CFDP1: variants seen among roughly 807,000 people sequenced by gnomAD.
CFDP1 encodes heterochromatin-stabilizing protein CFDP1.
CFDP1 carries 31 observed loss-of-function variants against 40.1 expected under a neutral mutation model. That is an observed-to-expected ratio of 0.77 (90% CI 0.58 to 1.04). The LOEUF (loss-of-function observed/expected upper bound fraction) is 1.04, where lower values mean the gene tolerates loss of function less well. Ranked by LOEUF, CFDP1 falls within the 50% of genes least tolerant of loss-of-function variation. The probability of loss-of-function intolerance (pLI) is 0.00; values close to 1 mark genes in which losing one functional copy is unlikely to be tolerated. For synonymous variants in CFDP1, 167 were observed against 120.0 expected, an observed-to-expected ratio of 1.39 and a Z score of -2.56; for missense variants, 423 against 343.4, an observed-to-expected ratio of 1.23 and a Z score of -1.83.
intron 1 of CFDP1, among the ~76,000 whole-genome samples, chr16:75,418,485 A>AT (rs1015231045): frequency 5.0e-4 from 76 of 151,298 alleles, no homozygotes; most frequent in African/African-American, 1.7e-3. Context: ...TTTTTTTTGT[A>AT]TTTTTAGTAG....
At chr16:75,428,124 G>A (rs1342209384) in intron 1 of CFDP1, among the ~76,000 whole-genome samples, 2 of 133,096 alleles carry the variant, frequency 1.5e-5, no homozygotes, top group African/African-American at 5.2e-5. Flanking sequence ...AGTAGCAGGG[G>A]AAATTTGTTT....
At chr16:75,315,463 CTT>C (rs1223466585) in intron 5 of CFDP1, among the ~76,000 whole-genome samples, 1 of 148,048 alleles carries the variant, frequency 6.8e-6, no homozygotes, top group Non-Finnish European at 1.5e-5. Flanking sequence ...GCTTTTTCTT[CTT>C]TGTTTTTGTA....
chr16:75,356,849 T>G (rs2078647224), intron 5 of CFDP1, among the ~76,000 whole-genome samples: 1 of 152,010 alleles, frequency 6.6e-6, no homozygotes, highest in Non-Finnish European at 1.5e-5. Flanking sequence ...TACTGCAGCT[T>G]CCGCATCAGA....
chr16:75,402,221 G>A (rs1022714652), intron 4 of CFDP1, among the ~76,000 whole-genome samples: 3 of 152,114 alleles, frequency 2.0e-5, no homozygotes, highest in African/African-American at 4.8e-5. Context: ...CGCACAAGAG[G>A]GAACTCTGAC....
intron 5 of CFDP1, among the ~76,000 whole-genome samples, chr16:75,381,803 A>G (rs1216605349): frequency 1.3e-5 from 2 of 152,224 alleles, no homozygotes; most frequent in Non-Finnish European, 2.9e-5. Flanking sequence ...GGAGAAAAGC[A>G]GTACTGAAAG....
chr16:75,426,527 C>G (rs2079344414), intron 1 of CFDP1, among the ~76,000 whole-genome samples: 1 of 151,428 alleles, frequency 6.6e-6, no homozygotes, highest in Non-Finnish European at 1.5e-5. Flanking sequence ...TTTTACTCTG[C>G]AGGCCAGGCA....
intron 6 of CFDP1, among the ~76,000 whole-genome samples, chr16:75,299,527 G>A (rs1335531972): frequency 6.6e-6 from 1 of 151,874 alleles, no homozygotes; most frequent in African/African-American, 2.4e-5. Flanking sequence ...CCCGGGAGGC[G>A]GAGTTTGCAG....
intron 5 of CFDP1, among the ~76,000 whole-genome samples, chr16:75,349,947 T>C (rs1164579187): frequency 2.0e-5 from 3 of 151,850 alleles, no homozygotes; most frequent in African/African-American, 7.3e-5. Context: ...GTAGACATAC[T>C]TGTCTTTTTC....
chr16:75,393,208 G>C lies in CFDP1; in HGVS notation c.650+1882C>G, dbSNP rs142162584. On this transcript the variant is annotated intron_variant, in intron 5 of 6. Coordinates refer to ENST00000283882, the MANE Select transcript of CFDP1 (RefSeq NM_006324.3). ...TTCTTCCCAATCTCTAAGTTTCCCA[G>C]CAGGAATGAGTGCCAGTCACCACCA... Among the ~76,000 whole-genome samples the C allele has an allele frequency of 3.4e-4, 51 of 152,230 alleles. No homozygotes were observed. The East Asian group carries it at 7.9e-3, about 24-fold the overall frequency.
chr16:75,386,477 C>T (rs1394234720), intron 5 of CFDP1, among the ~76,000 whole-genome samples: 2 of 152,204 alleles, frequency 1.3e-5, no homozygotes, highest in African/African-American at 4.8e-5. Context: ...GTAATCCCAG[C>T]ACTTTGGGAG....
At chr16:75,411,738 G>C in intron 4 of CFDP1, 87 bp downstream of exon 4, 1 of 1,298,088 alleles carries the variant, frequency 7.7e-7, no homozygotes, top group East Asian at 2.3e-5. Context: ...ATGATGGATT[G>C]AAAAGAGGAT....
intron 5 of CFDP1, among the ~76,000 whole-genome samples, chr16:75,315,190 G>A (rs1243475319): frequency 1.3e-4 from 19 of 151,940 alleles, no homozygotes; most frequent in Non-Finnish European, 2.1e-4. Context: ...AAAATTTGCC[G>A]GGTGTGACGG....
intron 2 of CFDP1, among the ~76,000 whole-genome samples, chr16:75,413,017 C>G (rs1311641752): frequency 6.6e-6 from 1 of 151,414 alleles, no homozygotes; most frequent in African/African-American, 2.4e-5. Flanking sequence ...CCTTCTAAAT[C>G]AGGACCAGCT....
intron 4 of CFDP1, among the ~76,000 whole-genome samples, chr16:75,396,977 A>C (rs982215666): frequency 6.6e-6 from 1 of 151,870 alleles, no homozygotes; most frequent in East Asian, 2.0e-4. Context: ...GCAGTGGCGC[A>C]ATCTCGGCTC....
intron 5 of CFDP1, chr16:75,372,501 A>C (rs964755526): frequency 6.8e-5 from 9 of 132,998 alleles, no homozygotes; most frequent in African/African-American, 2.3e-4. Context: ...ACTGGTTCTG[A>C]AATCGAACCA....
chr16:75,323,064 C>T (rs2078376454), intron 5 of CFDP1, among the ~76,000 whole-genome samples: 1 of 152,000 alleles, frequency 6.6e-6, no homozygotes, highest in African/African-American at 2.4e-5. Context: ...CCTTAGCTTA[C>T]TGTAACTTTA....
intron 2 of CFDP1, among the ~76,000 whole-genome samples, chr16:75,413,950 C>T (rs1347498390): frequency 6.6e-6 from 1 of 152,028 alleles, no homozygotes; most frequent in South Asian, 2.1e-4. Context: ...TACATGTATA[C>T]ATTATATACA....
intron 5 of CFDP1, among the ~76,000 whole-genome samples, chr16:75,366,578 G>C (rs980498840): frequency 6.6e-6 from 1 of 152,100 alleles, no homozygotes; most frequent in Non-Finnish European, 1.5e-5. Flanking sequence ...AGCCGAGATC[G>C]TGCCACTGTA....
chr16:75,389,670 GAA>G (rs5817944), intron 5 of CFDP1, among the ~76,000 whole-genome samples: 2 of 151,940 alleles, frequency 1.3e-5, no homozygotes, highest in Non-Finnish European at 2.9e-5. Context: ...CTCCCAAAAT[GAA>G]AAAAGTCTGT....
Sources: gnomAD v4.1 joint callset for allele counts (sites outside exome capture counted in the v4.1 genomes callset) on GRCh38, gnomAD v4.1.1 for gene constraint, MANE v1.5 for transcripts, NCBI Gene and HGNC (gene_info 2026-07-23, HGNC 2026-07-21) for gene names.